The following PTPRG variants were observed in gnomAD, a reference collection of about 807,000 sequenced individuals.
The protein encoded by PTPRG is receptor-type tyrosine-protein phosphatase gamma.
PTPRG carries 102 observed loss-of-function variants against 165.3 expected under a neutral mutation model. That is an observed-to-expected ratio of 0.62 (90% CI 0.53 to 0.73). The LOEUF (loss-of-function observed/expected upper bound fraction) is 0.73. PTPRG is among the 30% of genes least tolerant of loss of function. PTPRG has a pLI of 0.00. For synonymous variants in PTPRG, 675 were observed against 669.5 expected (o/e 1.01, Z -0.13); for missense variants, 1,866 against 1,861.4 (o/e 1.00, Z -0.05).
At chr3:61,591,898 A>G (rs1157963835) in intron 1 of PTPRG, among the ~76,000 whole-genome samples, 2 of 152,114 alleles carry the variant, frequency 1.3e-5, no homozygotes, top group African/African-American at 4.8e-5. Context: ...GATCCTTAAG[A>G]ATTGTTCCTC....
At chr3:61,920,602 G>A (rs906489999) in intron 2 of PTPRG, among the ~76,000 whole-genome samples, 3 of 152,078 alleles carry the variant, frequency 2.0e-5, no homozygotes, top group African/African-American at 7.2e-5. Context: ...CACCATGTTG[G>A]CCAGGATGGT....
At chr3:62,134,428 C>A (rs1703631051) in intron 6 of PTPRG, among the ~76,000 whole-genome samples, 1 of 152,218 alleles carries the variant, frequency 6.6e-6, no homozygotes, top group Non-Finnish European at 1.5e-5. Flanking sequence ...TCCTCTCCCG[C>A]CAGTCTGCCT....
At chr3:61,887,029 C>T (rs1287507979) in intron 2 of PTPRG, among the ~76,000 whole-genome samples, 3 of 149,142 alleles carry the variant, frequency 2.0e-5, no homozygotes, top group Non-Finnish European at 4.4e-5. Flanking sequence ...ATCTTGTGTG[C>T]GCCACTAGTA....
At chr3:62,250,869 T>C (rs1393530127) in intron 15 of PTPRG, among the ~76,000 whole-genome samples, 3 of 152,162 alleles carry the variant, frequency 2.0e-5, no homozygotes, top group Non-Finnish European at 4.4e-5. Flanking sequence ...TTGTTGTGGA[T>C]TGAACAAAAT....
intron 3 of PTPRG, among the ~76,000 whole-genome samples, chr3:61,991,743 G>T (rs1309824821): frequency 2.0e-5 from 3 of 152,208 alleles, no homozygotes; most frequent in Admixed American, 6.5e-5. Context: ...CATTCTGGAA[G>T]GCTGTCAAAG....
In PTPRG at chr3:61,882,986, C is replaced by G. The variant is rs80138941; in HGVS notation, c.191-106639C>G. On this transcript the variant is annotated intron_variant, in intron 2 of 29. Coordinates refer to ENST00000474889, the MANE Select transcript of PTPRG (RefSeq NM_002841.4). ...ACCCCAGTGCCACTCTTCTCCTTAGCAGACAGAGCTCACTTTGCAACCTTC... is the reference window on the plus strand; with the variant it reads ...ACCCCAGTGCCACTCTTCTCCTTAGGAGACAGAGCTCACTTTGCAACCTTC... Among the ~76,000 whole-genome samples, 1,428 of 152,248 alleles carry G rather than the reference C, an allele frequency of 9.4e-3. 19 individuals carry two copies. Among genetic ancestry groups the G allele is most frequent in the African/African-American group, 0.032 (1,330 of 41,542 alleles).
At chr3:62,208,771 G>A (rs1371196619) in intron 12 of PTPRG, among the ~76,000 whole-genome samples, 3 of 152,206 alleles carry the variant, frequency 2.0e-5, no homozygotes, top group East Asian at 1.9e-4. Flanking sequence ...GGAACTCAAC[G>A]TGAACACCTT....
Position 62,203,657 on chromosome 3 carries a change from C to T in PTPRG, c.1862C>T (p.Thr621Met), listed in dbSNP as rs759881134. The T allele has an allele frequency of 3.6e-5, 56 of 1,562,100 alleles. No individual in the cohort carries two copies. The highest frequency in any genetic ancestry group is 3.5e-4 in the Admixed American group (18 of 51,862). Residue 621 changes from threonine (T) to methionine (M), a missense_variant, in exon 12 of 30, where the codon ACG (threonine) becomes ATG (methionine). Physicochemically the swap from Thr to Met is moderately conservative, Grantham distance 81 (BLOSUM62 -1). Coordinates refer to ENST00000474889, the MANE Select transcript of PTPRG (RefSeq NM_002841.4). This position sits in a 1 kb window ranked among gnomAD's most constrained non-coding sequence, Gnocchi z 6.4. ...CACGCTGCCGAGGAGCGGAATCAGA[C>T]GGAGCCCAGCCCCACACCCTCGTCT... ...VTHAAEERNQ[T>M]EPSPTPSSPN... is the part of the protein sequence containing the mutation.
chr3:61,990,288 A>G (rs2040853276), intron 3 of PTPRG, among the ~76,000 whole-genome samples: 1 of 152,194 alleles, frequency 6.6e-6, no homozygotes, highest in Admixed American at 6.5e-5. Context: ...CTCTCATTGC[A>G]GAAAGTTCTA....
At chr3:61,735,458 T>G (rs2032681382) in intron 1 of PTPRG, among the ~76,000 whole-genome samples, 1 of 151,844 alleles carries the variant, frequency 6.6e-6, no homozygotes, top group African/African-American at 2.4e-5. Flanking sequence ...AAAATGAACC[T>G]GTAGCCCTGG....
At chr3:61,961,337 G>A (rs1392940845) in intron 2 of PTPRG, among the ~76,000 whole-genome samples, 1 of 152,188 alleles carries the variant, frequency 6.6e-6, no homozygotes, top group African/African-American at 2.4e-5. Context: ...ATTAGGGACA[G>A]GTGTGTATGC....
At chr3:62,244,430 T>TA (rs374281019) in intron 15 of PTPRG, among the ~76,000 whole-genome samples, 126 of 152,276 alleles carry the variant, frequency 8.3e-4, no homozygotes, top group African/African-American at 3.0e-3. Flanking sequence ...ATTTAGAAGT[T>TA]CAGCAGTGGG....
rs1276025322 is a variant in PTPRG, at chr3:62,190,829, A to AG, written c.1034-635dup. Among the ~76,000 whole-genome samples the AG allele has an allele frequency of 1.1e-4, 17 of 152,348 alleles. No individual in the cohort carries two copies. The East Asian group carries it at 3.3e-3, about 29-fold the overall frequency. On this transcript the variant is annotated intron_variant, in intron 8 of 29. Transcript: ENST00000474889. The surrounding 1 kb of genome is among the most constrained non-coding windows in gnomAD (Gnocchi z 5.2). ...GGCTGTTGACCATGAGGCTGAAGTC[A>AG]GGGGGACACAGTGATTAAGGATCTT...
At chr3:61,628,319 T>A (rs1575548585) in intron 1 of PTPRG, among the ~76,000 whole-genome samples, 1 of 152,072 alleles carries the variant, frequency 6.6e-6, no homozygotes, top group East Asian at 1.9e-4. Context: ...TTCATTTTTA[T>A]ATATTTATTT....
At chr3:62,006,028 A>G (rs2041290997) in intron 4 of PTPRG, among the ~76,000 whole-genome samples, 1 of 151,960 alleles carries the variant, frequency 6.6e-6, no homozygotes, top group Non-Finnish European at 1.5e-5. Flanking sequence ...TTTGAAACCT[A>G]TGGCTTTTGA....
chr3:62,078,268 C>T lies in PTPRG; in HGVS notation c.615+10C>T. On this transcript the variant is annotated intron_variant, in intron 5 of 29. Coordinates refer to ENST00000474889, the MANE Select transcript of PTPRG (RefSeq NM_002841.4). The stretch of plus-strand genomic sequence containing the variant: ...GGCCATATTTTTTCAAGTAAGTTAA[C>T]AGTGGCTGAAGTACTTCAAAGAATT... The T allele has an allele frequency of 6.5e-7, 1 of 1,549,590 alleles. No individual in the cohort carries two copies. Among genetic ancestry groups the T allele is most frequent in the Non-Finnish European group, 8.8e-7 (1 of 1,134,938 alleles).
chr3:61,660,542 A>G (rs1306011865), intron 1 of PTPRG, among the ~76,000 whole-genome samples: 1 of 152,196 alleles, frequency 6.6e-6, no homozygotes, highest in Non-Finnish European at 1.5e-5. Context: ...AGCGAGTGAT[A>G]TATGCATTTA....
intron 1 of PTPRG, among the ~76,000 whole-genome samples, chr3:61,725,931 C>G (rs184959900): frequency 6.6e-6 from 1 of 152,130 alleles, no homozygotes; most frequent in Admixed American, 6.5e-5. Context: ...TCTGATCCTT[C>G]GGTCCTATCT....
chr3:61,993,514 C>T (rs2040948718), intron 3 of PTPRG, among the ~76,000 whole-genome samples: 1 of 152,096 alleles, frequency 6.6e-6, no homozygotes, highest in Admixed American at 6.5e-5. Context: ...CCTCCGTGCC[C>T]GGCCCACTGT....
Sources: gnomAD v4.1 joint callset for allele counts (sites outside exome capture counted in the v4.1 genomes callset) on GRCh38, gnomAD v4.1.1 for gene constraint, Gnocchi (gnomAD v3.1) non-coding constraint, MANE v1.5 for transcripts, NCBI Gene and HGNC (gene_info 2026-07-23, HGNC 2026-07-21) for gene names.